The following LHFPL2 variants were observed in gnomAD, a reference collection of about 807,000 sequenced individuals.
LHFPL2 encodes LHFPL tetraspan subfamily member 2 protein.
LHFPL2 carries 7 observed loss-of-function variants against 17.5 expected under a neutral mutation model. That is an observed-to-expected ratio of 0.40 (90% CI 0.23 to 0.75). The LOEUF (loss-of-function observed/expected upper bound fraction) is 0.75, where lower values mean the gene tolerates loss of function less well. Among genes scored for constraint, LHFPL2 ranks in the 30% least tolerant of loss-of-function variants. LHFPL2 has a pLI of 0.37. For missense variants in LHFPL2, 241 were observed against 294.8 expected (o/e 0.82, Z 1.34); for synonymous variants, 134 against 116.2 (o/e 1.15, Z -0.99).
At chr5:78,546,901 C>T (rs1756293507) in intron 3 of LHFPL2, among the ~76,000 whole-genome samples, 1 of 152,104 alleles carries the variant, frequency 6.6e-6, no homozygotes, top group Non-Finnish European at 1.5e-5. Flanking sequence ...AGAAGTCAGT[C>T]CTCTGAACCT....
chr5:78,577,216 A>G (rs924669431), intron 2 of LHFPL2, among the ~76,000 whole-genome samples: 3 of 152,250 alleles, frequency 2.0e-5, no homozygotes, highest in Admixed American at 6.5e-5. Flanking sequence ...GGATAAGGTA[A>G]CAAAGGACTG....
At chr5:78,616,004 C>T (rs1219672411) in intron 2 of LHFPL2, among the ~76,000 whole-genome samples, 1 of 152,066 alleles carries the variant, frequency 6.6e-6, no homozygotes, top group African/African-American at 2.4e-5. Context: ...CTCTCTTCTG[C>T]AACTTGCTCA....
intron 3 of LHFPL2, among the ~76,000 whole-genome samples, chr5:78,534,717 C>G (rs1755893022): frequency 6.6e-6 from 1 of 152,220 alleles, no homozygotes; most frequent in Non-Finnish European, 1.5e-5. Flanking sequence ...AGGGCCTTCT[C>G]AGCCCAAACA....
intron 2 of LHFPL2, among the ~76,000 whole-genome samples, chr5:78,617,025 CT>C (rs564354550): frequency 4.7e-5 from 7 of 149,184 alleles, no homozygotes; most frequent in African/African-American, 7.4e-5. Flanking sequence ...TAGAGTTTCT[CT>C]TTTTTTTTTC....
At chr5:78,621,934 C>A (rs989624324) in intron 2 of LHFPL2, among the ~76,000 whole-genome samples, 6 of 152,150 alleles carry the variant, frequency 3.9e-5, no homozygotes, top group Non-Finnish European at 8.8e-5. Flanking sequence ...AGCTGGCCAC[C>A]AAGAATGGTC....
intron 1 of LHFPL2, among the ~76,000 whole-genome samples, chr5:78,634,609 G>A (rs1394639107): frequency 1.3e-5 from 2 of 152,204 alleles, no homozygotes; most frequent in African/African-American, 4.8e-5. Context: ...AGCTTTCCAA[G>A]GGGTGTAATA....
intron 3 of LHFPL2, among the ~76,000 whole-genome samples, chr5:78,550,602 A>G (rs1756412514): frequency 6.6e-6 from 1 of 151,810 alleles, no homozygotes; most frequent in African/African-American, 2.4e-5. Flanking sequence ...ATGGATTCTC[A>G]CTCTGTTGCC....
intron 3 of LHFPL2, among the ~76,000 whole-genome samples, chr5:78,545,661 T>C (rs1238761466): frequency 6.6e-6 from 1 of 152,196 alleles, no homozygotes; most frequent in African/African-American, 2.4e-5. Context: ...GTGAAATAGT[T>C]TCTCAAGCAG....
intron 2 of LHFPL2, among the ~76,000 whole-genome samples, chr5:78,576,290 A>G (rs4704516): frequency 0.74 from 111,372 of 149,670 alleles, 41,718 homozygotes; most frequent in African/African-American, 0.81. Flanking sequence ...GCGAGACTCC[A>G]TCTCAAAAAA....
intron 3 of LHFPL2, among the ~76,000 whole-genome samples, chr5:78,554,470 TCTC>T (rs2112398705): frequency 6.6e-6 from 1 of 152,348 alleles, no homozygotes; most frequent in African/African-American, 2.4e-5. Flanking sequence ...TTGGCTCTCT[TCTC>T]CTATTTCACA....
chr5:78,489,301 T>TCTGACCTGATCAAGAAGTATC (rs1754359890), intron 4 of LHFPL2, 148 bp from the exon 5 acceptor site: 1 of 779,978 alleles, frequency 1.3e-6, no homozygotes, highest in Admixed American at 2.9e-5. Flanking sequence ...TGCAAACTAA[T>TCTGACCTGATCAAGAAGTATC]CTGACCTGAT....
In LHFPL2 at chr5:78,485,545, T is replaced by C. The variant is rs1052292925; in HGVS notation, c.*3352A>G. 2 of 152,584 alleles carry C rather than the reference T, an allele frequency of 1.3e-5. No individual in the cohort carries two copies. The highest frequency in any genetic ancestry group is 2.4e-5 in the African/African-American group (1 of 41,420). 9.5% of individuals were successfully genotyped at this position (152,584 alleles called of 1,614,324 possible). A position where few individuals can be genotyped will look rare whatever the true frequency, so the allele number is the denominator to read the frequency against. Reference sequence around the variant, plus strand: ...TAACTCTTTTGGCCCTTGGGAGTCATTGCAACCCCAATACAAATGCCGGCC... The same window carrying C: ...TAACTCTTTTGGCCCTTGGGAGTCACTGCAACCCCAATACAAATGCCGGCC... On this transcript the variant is annotated 3_prime_UTR_variant, in exon 5 of 5. Coordinates refer to ENST00000380345, the MANE Select transcript of LHFPL2 (RefSeq NM_005779.3).
At chr5:78,584,563 C>T (rs897759552) in intron 2 of LHFPL2, among the ~76,000 whole-genome samples, 2 of 152,140 alleles carry the variant, frequency 1.3e-5, no homozygotes, top group African/African-American at 4.8e-5. Context: ...CAGTCTGCCC[C>T]TGCTGGGGGG....
At chr5:78,611,264 C>T (rs184068787) in intron 2 of LHFPL2, among the ~76,000 whole-genome samples, 1 of 152,322 alleles carries the variant, frequency 6.6e-6, no homozygotes, top group East Asian at 1.9e-4. Context: ...GGCCCAACTG[C>T]AGGGCCAGTC....
At chr5:78,537,852 T>C (rs1459077748) in intron 3 of LHFPL2, among the ~76,000 whole-genome samples, 1 of 152,150 alleles carries the variant, frequency 6.6e-6, no homozygotes, top group East Asian at 1.9e-4. Flanking sequence ...ATTAAAAGGA[T>C]ATAAAATGCG....
chr5:78,522,523 C>T (rs1755488644), intron 3 of LHFPL2, among the ~76,000 whole-genome samples: 1 of 152,182 alleles, frequency 6.6e-6, no homozygotes, highest in African/African-American at 2.4e-5. Context: ...CGTTTGCTGA[C>T]ACTTGTTTAT....
At chr5:78,590,409 T>C (rs533304770) in intron 2 of LHFPL2, among the ~76,000 whole-genome samples, 9 of 152,364 alleles carry the variant, frequency 5.9e-5, no homozygotes, top group Non-Finnish European at 8.8e-5. Context: ...TTTCTAACTA[T>C]ATTGAAATCA....
chr5:78,628,137 AC>A (rs1451917930), intron 2 of LHFPL2, among the ~76,000 whole-genome samples: 3 of 152,104 alleles, frequency 2.0e-5, no homozygotes, highest in African/African-American at 7.2e-5. Flanking sequence ...ACCAGGAGAG[AC>A]GTGGACAGGC....
chr5:78,489,122 G>T lies in LHFPL2; in HGVS notation c.462C>A (p.Tyr154Ter). The T allele has an allele frequency of 6.2e-7, 1 of 1,614,152 alleles. No individual in the cohort carries two copies. Among genetic ancestry groups the T allele is most frequent in the Non-Finnish European group, 8.5e-7 (1 of 1,180,016 alleles). Residue 154 changes from tyrosine to a stop codon, truncating the protein, a stop_gained, in exon 5 of 5, where the codon TAC becomes TAA. Coordinates refer to ENST00000380345, the MANE Select transcript of LHFPL2 (RefSeq NM_005779.3). LOFTEE classifies it high-confidence loss of function. ...CCTTCTGGCAACCCCAGCCAGCAGG[G>T]TAGAGTATCAAACCGAGGATAAGGA... ...GLFLILGLIL[Y>*]PAGWGCQKAI...
Sources: allele counts gnomAD v4.1 joint callset (sites outside exome capture counted in the v4.1 genomes callset), GRCh38; gene constraint gnomAD v4.1.1; transcripts MANE v1.5; gene names NCBI Gene and HGNC (gene_info 2026-07-23, HGNC 2026-07-21).